The following DLG2 variants were observed in gnomAD, a reference collection of about 807,000 sequenced individuals.
The protein encoded by DLG2 is disks large homolog 2.
In DLG2, 45 loss-of-function variants were observed where a neutral mutation model predicts 132.5. The observed-to-expected ratio is 0.34, with a 90% CI of 0.27 to 0.44. The LOEUF is 0.44. Ranked by LOEUF, DLG2 falls within the 20% of genes least tolerant of loss-of-function variation. The pLI, the probability that DLG2 is intolerant of heterozygous loss-of-function variation, is 1.00. For missense variants in DLG2, 1,045 were observed against 1,196.9 expected (o/e 0.87, Z 1.87); for synonymous variants, 424 against 419.6 (o/e 1.01, Z -0.13).
intron 7 of DLG2, among the ~76,000 whole-genome samples, chr11:84,444,919 C>T (rs1404544531): frequency 5.3e-5 from 8 of 152,082 alleles, no homozygotes; most frequent in Non-Finnish European, 8.8e-5. Context: ...TCTCCTGCCT[C>T]CGCCTCCCGA....
intron 15 of DLG2, among the ~76,000 whole-genome samples, chr11:83,890,130 A>T (rs1480322283): frequency 6.6e-6 from 1 of 152,018 alleles, no homozygotes; most frequent in African/African-American, 2.4e-5. Context: ...AAAAAAAGAA[A>T]TTTTATATAA....
At chr11:84,993,862 C>G (rs1377611868) in intron 6 of DLG2, among the ~76,000 whole-genome samples, 1 of 151,994 alleles carries the variant, frequency 6.6e-6, no homozygotes, top group Non-Finnish European at 1.5e-5. Context: ...TATCAGTGTA[C>G]GTTTATTCAT....
chr11:85,557,482 G>T (rs1047329905), intron 3 of DLG2, among the ~76,000 whole-genome samples: 1 of 151,696 alleles, frequency 6.6e-6, no homozygotes, highest in Non-Finnish European at 1.5e-5. Context: ...AACCAAAAAA[G>T]AGTCTGAACA....
chr11:83,976,195 G>A (rs530551708), intron 12 of DLG2, among the ~76,000 whole-genome samples: 5 of 151,938 alleles, frequency 3.3e-5, no homozygotes, highest in African/African-American at 1.2e-4. Context: ...CTCAGTAGAG[G>A]GCAGTTGCTA....
chr11:85,170,858 T>C (rs1030206633), intron 4 of DLG2, among the ~76,000 whole-genome samples: 2 of 151,914 alleles, frequency 1.3e-5, no homozygotes, highest in African/African-American at 4.8e-5. Context: ...AAGAGGGCTT[T>C]CTCTTTTTGC....
chr11:85,257,141 T>C (rs1294266424), intron 4 of DLG2, among the ~76,000 whole-genome samples: 1 of 152,210 alleles, frequency 6.6e-6, no homozygotes, highest in Non-Finnish European at 1.5e-5. Flanking sequence ...AATTTCATGA[T>C]ATCTAGTGAT....
intron 6 of DLG2, among the ~76,000 whole-genome samples, chr11:85,072,866 T>C (rs1270491135): frequency 2.0e-5 from 3 of 151,864 alleles, no homozygotes; most frequent in Non-Finnish European, 4.4e-5. Context: ...TGACATTTCA[T>C]CATTTGATAG....
At chr11:84,747,516 A>G (rs1943695) in intron 6 of DLG2, among the ~76,000 whole-genome samples, 71,779 of 152,094 alleles carry the variant, frequency 0.47, 17,926 homozygotes, top group Middle Eastern at 0.57. Flanking sequence ...TGGGCAACTT[A>G]GAGACATTCC....
intron 4 of DLG2, among the ~76,000 whole-genome samples, chr11:85,234,629 A>G (rs1321349017): frequency 1.3e-5 from 2 of 152,056 alleles, no homozygotes; most frequent in African/African-American, 4.8e-5. Context: ...TCTATCCATT[A>G]GAGTGGTTAA....
chr11:84,968,860 A>G (rs1014208235), intron 6 of DLG2, among the ~76,000 whole-genome samples: 1 of 152,162 alleles, frequency 6.6e-6, no homozygotes, highest in African/African-American at 2.4e-5. Context: ...TAGAGTTACA[A>G]TAACTACAAA....
At chr11:84,420,061 T>C (rs948486541) in intron 7 of DLG2, among the ~76,000 whole-genome samples, 1 of 152,228 alleles carries the variant, frequency 6.6e-6, no homozygotes, top group Non-Finnish European at 1.5e-5. Context: ...AGAGAGATCA[T>C]GTTTGCCTTA....
At chr11:85,000,370 C>T (rs1270198903) in intron 6 of DLG2, among the ~76,000 whole-genome samples, 2 of 152,070 alleles carry the variant, frequency 1.3e-5, no homozygotes, top group Non-Finnish European at 2.9e-5. Flanking sequence ...ACATATTTGC[C>T]GAATGAATGA....
At chr11:84,742,626 A>T (rs2064834721) in intron 6 of DLG2, among the ~76,000 whole-genome samples, 1 of 152,144 alleles carries the variant, frequency 6.6e-6, no homozygotes, top group South Asian at 2.1e-4. Context: ...ATTTGCTACA[A>T]CTGATGAACC....
chr11:85,053,632 C>CAAAAAAAAAAAAA (rs574119257), intron 6 of DLG2, among the ~76,000 whole-genome samples: 15 of 91,138 alleles, frequency 1.6e-4, no homozygotes, highest in South Asian at 7.1e-4. Context: ...ACTAAAAATA[C>CAAAAAAAAAAAAA]AAAAAAAAAA....
chr11:83,691,249 T>TCTCTTCTGGC (rs1424710564), intron 18 of DLG2, among the ~76,000 whole-genome samples: 1 of 152,204 alleles, frequency 6.6e-6, no homozygotes, highest in Non-Finnish European at 1.5e-5. Context: ...AGGACACTTT[T>TCTCTTCTGGC]CTCTTCTGGC....
At chr11:84,043,008 T>G (rs943670835) in intron 11 of DLG2, among the ~76,000 whole-genome samples, 3 of 151,842 alleles carry the variant, frequency 2.0e-5, no homozygotes, top group African/African-American at 7.2e-5. Context: ...TATTTTTTAG[T>G]TGACTACTGC....
chr11:85,621,307 G>C (rs2081683179), intron 2 of DLG2, among the ~76,000 whole-genome samples: 1 of 152,072 alleles, frequency 6.6e-6, no homozygotes, highest in Non-Finnish European at 1.5e-5. Flanking sequence ...TATACAAGGA[G>C]ATTAAAGTTG....
chr11:83,624,095 G>T (rs935113630), intron 19 of DLG2, among the ~76,000 whole-genome samples: 2 of 152,184 alleles, frequency 1.3e-5, no homozygotes, highest in Non-Finnish European at 2.9e-5. Flanking sequence ...TGGCAGAAAA[G>T]AAGTTTTATT....
In DLG2 at chr11:83,717,435, T is replaced by C. The variant is rs561136909; in HGVS notation, c.1825+69255A>G. ...ATGAATTACTGCCACATCCTAAAAG[T>C]GGCCACTAGAGAAAAGAGGAGTAGC... is the stretch of plus-strand genomic sequence containing the variant. On this transcript the variant is annotated intron_variant, in intron 18 of 27. Transcript: ENST00000376104. Among the ~76,000 whole-genome samples the C allele has an allele frequency of 1.7e-4, 26 of 152,312 alleles. 1 individual carries two copies. The South Asian group carries it at 3.5e-3, about 21-fold the overall frequency.
Sources: gnomAD v4.1 joint callset for allele counts (sites outside exome capture counted in the v4.1 genomes callset) on GRCh38, gnomAD v4.1.1 for gene constraint, MANE v1.5 for transcripts, NCBI Gene and HGNC (gene_info 2026-07-23, HGNC 2026-07-21) for gene names.